Variants in CALD1 observed in about 807,000 individuals in gnomAD.
CALD1 encodes the protein caldesmon.
Under a neutral mutation model 99.9 loss-of-function variants are expected in CALD1, and 33 were observed. The ratio of observed to expected loss-of-function variants is 0.33; its 90% confidence interval spans 0.25 to 0.44. The LOEUF (loss-of-function observed/expected upper bound fraction) is 0.44, where lower values mean the gene tolerates loss of function less well. Among genes scored for constraint, CALD1 ranks in the 20% least tolerant of loss-of-function variants. The pLI is 1.00. For missense variants in CALD1, 861 were observed against 962.1 expected (o/e 0.89, Z 1.39); for synonymous variants, 310 against 325.0 (o/e 0.95, Z 0.50).
At chr7:134,805,420 T>C (rs1048709605) in intron 1 of CALD1, among the ~76,000 whole-genome samples, 1 of 152,224 alleles carries the variant, frequency 6.6e-6, no homozygotes, top group African/African-American at 2.4e-5. Flanking sequence ...TTTGTTGTTG[T>C]TGTTGTTGAA....
chr7:134,842,317 A>G (rs1799683289), intron 1 of CALD1, among the ~76,000 whole-genome samples: 3 of 152,280 alleles, frequency 2.0e-5, no homozygotes, highest in African/African-American at 7.2e-5. Flanking sequence ...ATCCTAAGAT[A>G]AGAATATGTA....
chr7:134,923,325 T>C (rs1448618177), intron 3 of CALD1, among the ~76,000 whole-genome samples: 2 of 152,260 alleles, frequency 1.3e-5, no homozygotes, highest in Non-Finnish European at 2.9e-5. Context: ...AAGTACTTTA[T>C]AGATCATTTG....
chr7:134,794,713 C>G (rs1797680456), intron 1 of CALD1, among the ~76,000 whole-genome samples: 1 of 152,158 alleles, frequency 6.6e-6, no homozygotes, highest in Admixed American at 6.5e-5. Context: ...TCTTGAACTC[C>G]TGACCTCAAG....
the CALD1 span, among the ~76,000 whole-genome samples, chr7:134,713,232 G>T: frequency 6.6e-6 from 1 of 152,196 alleles, no homozygotes; most frequent in African/African-American, 2.4e-5. Flanking sequence ...TTTAATGCCT[G>T]CCTAGAACCT....
intron 2 of CALD1, among the ~76,000 whole-genome samples, chr7:134,854,571 C>T (rs946536854): frequency 1.7e-4 from 26 of 152,132 alleles, no homozygotes; most frequent in Non-Finnish European, 1.0e-4. Flanking sequence ...TGGCCATACA[C>T]GCTACTGAAG....
intron 6 of CALD1, 58 bp downstream of exon 6, chr7:134,935,823 A>G: frequency 6.6e-7 from 1 of 1,508,952 alleles, no homozygotes; most frequent in Non-Finnish European, 8.9e-7. Flanking sequence ...TCAGTGTTCC[A>G]AGATATCTCA....
At chr7:134,898,549 A>C (rs1802743782) in intron 3 of CALD1, among the ~76,000 whole-genome samples, 1 of 151,984 alleles carries the variant, frequency 6.6e-6, no homozygotes, top group South Asian at 2.1e-4. Flanking sequence ...CTCTTCCCTT[A>C]AATACTTTTT....
intron 1 of CALD1, among the ~76,000 whole-genome samples, chr7:134,755,664 C>A (rs1214543121): frequency 6.6e-6 from 1 of 152,168 alleles, no homozygotes; most frequent in African/African-American, 2.4e-5. Context: ...TGGCAGTCAG[C>A]TTTTGTTTGT....
At chr7:134,844,040 G>T (rs377710492) in intron 2 of CALD1, 69 bp downstream of exon 2, 1 of 152,160 alleles carries the variant, frequency 6.6e-6, no homozygotes, top group Non-Finnish European at 1.5e-5. Flanking sequence ...CTCTGTGCCT[G>T]ATATTCTAAA....
the CALD1 span, among the ~76,000 whole-genome samples, chr7:134,711,627 C>A: frequency 2.1e-5 from 1 of 47,280 alleles, no homozygotes; most frequent in Non-Finnish European, 3.4e-5. Context: ...TCAACCTCAG[C>A]TTCTCTCTCT....
At chr7:134,943,587 ATTTT>A (rs976450950) in intron 7 of CALD1, among the ~76,000 whole-genome samples, 2 of 152,154 alleles carry the variant, frequency 1.3e-5, no homozygotes, top group African/African-American at 4.8e-5. Flanking sequence ...TGGTTTTTTG[ATTTT>A]TTATTTTTGA....
chr7:134,725,067 G>A, the CALD1 span, among the ~76,000 whole-genome samples: 1 of 152,156 alleles, frequency 6.6e-6, no homozygotes, highest in Non-Finnish European at 1.5e-5. Flanking sequence ...TAATTTCTGA[G>A]AATGATGACA....
intron 1 of CALD1, among the ~76,000 whole-genome samples, chr7:134,793,116 G>A (rs1157896785): frequency 1.3e-5 from 2 of 152,220 alleles, no homozygotes; most frequent in Non-Finnish European, 2.9e-5. Flanking sequence ...GGCTTGGCCA[G>A]GGCAGCCTGC....
At chr7:134,720,942 C>A in the CALD1 span, among the ~76,000 whole-genome samples, 2 of 152,160 alleles carry the variant, frequency 1.3e-5, no homozygotes, top group Non-Finnish European at 2.9e-5. Flanking sequence ...TAAAGGGAAC[C>A]ATAGATTATA....
At chr7:134,936,480 C>G (rs983655847) in intron 6 of CALD1, among the ~76,000 whole-genome samples, 1 of 152,130 alleles carries the variant, frequency 6.6e-6, no homozygotes, top group Admixed American at 6.5e-5. Flanking sequence ...GTGACTATAT[C>G]GAATAAGTTC....
intron 1 of CALD1, among the ~76,000 whole-genome samples, chr7:134,808,111 T>A (rs889345611): frequency 2.0e-5 from 3 of 151,968 alleles, no homozygotes; most frequent in Non-Finnish European, 4.4e-5. Flanking sequence ...ATCTTTTTTT[T>A]TTTTTTTGAG....
intron 3 of CALD1, among the ~76,000 whole-genome samples, chr7:134,918,332 A>C (rs1804363437): frequency 6.6e-6 from 1 of 152,242 alleles, no homozygotes; most frequent in Non-Finnish European, 1.5e-5. Context: ...TATAATCTCA[A>C]GAAATGTTTG....
At chr7:134,966,341 C>A (rs1435831550) in intron 14 of CALD1, among the ~76,000 whole-genome samples, 4 of 152,198 alleles carry the variant, frequency 2.6e-5, no homozygotes, top group Non-Finnish European at 5.9e-5. Flanking sequence ...CTATTAGCTA[C>A]GTATTGCGCT....
chr7:134,944,768 G>A (rs920671998), intron 7 of CALD1, among the ~76,000 whole-genome samples: 6 of 152,148 alleles, frequency 3.9e-5, no homozygotes, highest in African/African-American at 9.7e-5. Context: ...AAATGGCAAA[G>A]CTGTATCTCT....
Sources: allele counts gnomAD v4.1 joint callset (sites outside exome capture counted in the v4.1 genomes callset), GRCh38; gene constraint gnomAD v4.1.1; transcripts MANE v1.5; gene names NCBI Gene and HGNC (gene_info 2026-07-23, HGNC 2026-07-21).